Variants in ADAMTS17 observed in about 807,000 individuals in gnomAD.
ADAMTS17 encodes the protein A disintegrin and metalloproteinase with thrombospondin motifs 17.
ADAMTS17 carries 113 observed loss-of-function variants against 141.5 expected under a neutral mutation model. The observed-to-expected ratio is 0.80, with a 90% CI of 0.69 to 0.93. The LOEUF (loss-of-function observed/expected upper bound fraction) is 0.93, where lower values mean the gene tolerates loss of function less well. ADAMTS17 is among the 40% of genes least tolerant of loss of function. The pLI, the probability that ADAMTS17 is intolerant of heterozygous loss-of-function variation, is 0.00. For synonymous variants in ADAMTS17, 768 were observed against 630.6 expected, an observed-to-expected ratio of 1.22 and a Z score of -3.27; for missense variants, 1,659 against 1,517.9, an observed-to-expected ratio of 1.09 and a Z score of -1.54.
chr15:100,126,792 G>A (rs1451705322), intron 12 of ADAMTS17, among the ~76,000 whole-genome samples: 1 of 152,208 alleles, frequency 6.6e-6, no homozygotes, highest in Admixed American at 6.5e-5. Flanking sequence ...CTCTGCTGTG[G>A]GCACGGAAGG....
chr15:100,246,712 A>G (rs1466085134), intron 7 of ADAMTS17, among the ~76,000 whole-genome samples: 1 of 151,776 alleles, frequency 6.6e-6, no homozygotes, highest in Non-Finnish European at 1.5e-5. Flanking sequence ...TGGAGACTAC[A>G]CTTTTTTTTT....
At chr15:100,259,163 A>G (rs1024162280) in intron 6 of ADAMTS17, among the ~76,000 whole-genome samples, 11 of 152,274 alleles carry the variant, frequency 7.2e-5, no homozygotes, top group African/African-American at 2.7e-4. Context: ...GTTTAGCTGC[A>G]TATTCCACAG....
intron 5 of ADAMTS17, 67 bp downstream of exon 5, chr15:100,262,285 C>A: frequency 7.0e-7 from 1 of 1,430,326 alleles, no homozygotes. Context: ...TAGCATTCAA[C>A]AGCAGTTGAG....
intron 7 of ADAMTS17, among the ~76,000 whole-genome samples, chr15:100,199,772 C>T (rs77424140): frequency 2.6e-5 from 4 of 152,138 alleles, no homozygotes; most frequent in Non-Finnish European, 5.9e-5. Context: ...CTCCATGCTG[C>T]GATCCTACGC....
rs572848834 is a variant in ADAMTS17, at chr15:100,062,566, G to C, written c.2138-8512C>G. On this transcript the variant is annotated intron_variant, in intron 15 of 21. Coordinates refer to ENST00000268070, the MANE Select transcript of ADAMTS17 (RefSeq NM_139057.4). Reference sequence around the variant, plus strand: ...TCTCTCAAGCAGAGACCATTTCAAAGAAAGACTCCGACTTTTGCATAGTCT... The same window carrying C: ...TCTCTCAAGCAGAGACCATTTCAAACAAAGACTCCGACTTTTGCATAGTCT... Among the ~76,000 whole-genome samples, 17 of 152,320 alleles carry C rather than the reference G, an allele frequency of 1.1e-4. No homozygotes were observed. The South Asian group carries it at 3.5e-3, about 32-fold the overall frequency.
chr15:100,243,888 C>G (rs2042906901), intron 7 of ADAMTS17, among the ~76,000 whole-genome samples: 1 of 151,664 alleles, frequency 6.6e-6, no homozygotes, highest in African/African-American at 2.4e-5. Flanking sequence ...CCGCTTTAAC[C>G]CTCACAACAA....
In ADAMTS17 at chr15:100,047,051, G is replaced by A. The variant is rs536146372; in HGVS notation, c.2591+1806C>T. Among the ~76,000 whole-genome samples the A allele has an allele frequency of 7.2e-5, 11 of 152,074 alleles. No individual in the cohort carries two copies. The South Asian group carries it at 1.2e-3, about 17-fold the overall frequency. ...GGAACATCCCTGAGAAAGAGAATGA[G>A]CCCCTGAGGGTAGGCCTCTAAAATG... is the stretch of plus-strand genomic sequence containing the variant. On this transcript the variant is annotated intron_variant, in intron 18 of 21. Coordinates refer to ENST00000268070, the MANE Select transcript of ADAMTS17 (RefSeq NM_139057.4).
intron 17 of ADAMTS17, among the ~76,000 whole-genome samples, chr15:100,049,221 A>G (rs926341211): frequency 6.6e-6 from 1 of 152,220 alleles, no homozygotes; most frequent in Non-Finnish European, 1.5e-5. Flanking sequence ...CTAGAACAAG[A>G]TAAGAAAGCA....
At chr15:100,155,105 C>T in intron 9 of ADAMTS17, 75 bp downstream of exon 9, 3 of 1,607,336 alleles carry the variant, frequency 1.9e-6, no homozygotes, top group East Asian at 2.2e-5. Context: ...TTCACACTTG[C>T]TGAGACTCCA....
chr15:100,081,705 C>T (rs915256736), intron 15 of ADAMTS17, among the ~76,000 whole-genome samples: 4 of 152,172 alleles, frequency 2.6e-5, no homozygotes, highest in African/African-American at 4.8e-5. Context: ...CGAGAGTAAA[C>T]GTTTACTCAA....
intron 4 of ADAMTS17, among the ~76,000 whole-genome samples, chr15:100,265,319 T>C (rs1372189963): frequency 1.3e-5 from 2 of 152,196 alleles, no homozygotes; most frequent in African/African-American, 4.8e-5. Flanking sequence ...TTCTTTTTTT[T>C]CCCATGGAAA....
chr15:100,140,223 TA>T (rs1406641669), intron 10 of ADAMTS17, among the ~76,000 whole-genome samples: 1 of 152,090 alleles, frequency 6.6e-6, no homozygotes, highest in African/African-American at 2.4e-5. Context: ...CTCAAACCCC[TA>T]ACCTCTGGTG....
rs2060253025 is a variant in ADAMTS17, at chr15:99,973,432, T to G, written c.*970A>C. 1 of 152,198 alleles carries G rather than the reference T, an allele frequency of 6.6e-6. No homozygotes were observed. Among genetic ancestry groups the G allele is most frequent in the Admixed American group, 6.5e-5 (1 of 15,278 alleles). The allele number at this position is 152,198 out of a possible 1,614,324, so 9.4% of individuals were successfully genotyped here. On this transcript the variant is annotated 3_prime_UTR_variant, in exon 22 of 22. Coordinates refer to ENST00000268070, the MANE Select transcript of ADAMTS17 (RefSeq NM_139057.4). ...AAATGTCGTCTTACCTTCAGATAAA[T>G]GGCCACGGTCGGTAGAAAGCCACTG...
intron 7 of ADAMTS17, among the ~76,000 whole-genome samples, chr15:100,235,708 G>A (rs992154173): frequency 2.6e-5 from 4 of 152,162 alleles, no homozygotes; most frequent in African/African-American, 4.8e-5. Flanking sequence ...ACACCACCAC[G>A]GAGGACTTCC....
chr15:100,301,724 TTACTC>T (rs756105449), intron 3 of ADAMTS17, among the ~76,000 whole-genome samples: 1 of 152,152 alleles, frequency 6.6e-6, no homozygotes, highest in African/African-American at 2.4e-5. Flanking sequence ...GAAACAACCT[TTACTC>T]TACAGTTTTC....
intron 18 of ADAMTS17, among the ~76,000 whole-genome samples, chr15:100,035,858 G>A (rs765249518): frequency 3.3e-5 from 5 of 152,104 alleles, no homozygotes; most frequent in Non-Finnish European, 7.4e-5. Context: ...ATGAAGAGAC[G>A]ACTCACCAAG....
chr15:100,317,534 C>T (rs1198013255), intron 3 of ADAMTS17, among the ~76,000 whole-genome samples: 1 of 152,154 alleles, frequency 6.6e-6, no homozygotes, highest in African/African-American at 2.4e-5. Context: ...CTCCAGATCC[C>T]TCCAGATGAG....
At chr15:99,992,878 G>T (rs1417849462) in intron 20 of ADAMTS17, among the ~76,000 whole-genome samples, 170 bp downstream of exon 20, 3 of 152,250 alleles carry the variant, frequency 2.0e-5, no homozygotes, top group Non-Finnish European at 4.4e-5. Flanking sequence ...AGAAGCAGGG[G>T]AGGAAGCACA....
chr15:100,292,437 AGAGACACTCACCCCG>A (rs1367982879), intron 3 of ADAMTS17, among the ~76,000 whole-genome samples: 1 of 151,348 alleles, frequency 6.6e-6, no homozygotes, highest in Non-Finnish European at 1.5e-5. Flanking sequence ...ACCCCGTGTT[AGAGACACTCACCCCG>A]TGTGAAATTA....
Sources: gnomAD v4.1 joint callset for allele counts (sites outside exome capture counted in the v4.1 genomes callset) on GRCh38, gnomAD v4.1.1 for gene constraint, MANE v1.5 for transcripts, NCBI Gene and HGNC (gene_info 2026-07-23, HGNC 2026-07-21) for gene names.